Variants in ADAMTS19 observed in about 807,000 individuals in gnomAD.
ADAMTS19 encodes the protein A disintegrin and metalloproteinase with thrombospondin motifs 19.
ADAMTS19 carries 93 observed loss-of-function variants against 153.3 expected under a neutral mutation model. The observed-to-expected ratio is 0.61, with a 90% confidence interval of 0.51 to 0.72. The LOEUF (loss-of-function observed/expected upper bound fraction) is 0.72, where lower values mean the gene tolerates loss of function less well. Ranked by LOEUF, ADAMTS19 falls within the 30% of genes least tolerant of loss-of-function variation. The pLI, the probability that ADAMTS19 is intolerant of heterozygous loss-of-function variation, is 0.00. For missense variants in ADAMTS19, 1,482 were observed against 1,552.1 expected (o/e 0.95, Z 0.76); for synonymous variants, 600 against 556.6 (o/e 1.08, Z -1.10).
chr5:129,560,296 T>C (rs1053625971), intron 7 of ADAMTS19, among the ~76,000 whole-genome samples: 7 of 152,128 alleles, frequency 4.6e-5, no homozygotes, highest in African/African-American at 1.7e-4. Context: ...TGCTATAACT[T>C]TTTTTTAGGG....
chr5:129,711,778 G>A (rs1163582886), intron 21 of ADAMTS19, among the ~76,000 whole-genome samples: 3 of 152,138 alleles, frequency 2.0e-5, no homozygotes, highest in Non-Finnish European at 4.4e-5. Flanking sequence ...AAATGCTGGT[G>A]TTAAATAAAG....
intron 16 of ADAMTS19, among the ~76,000 whole-genome samples, chr5:129,677,804 A>G (rs1434367401): frequency 6.6e-6 from 1 of 152,004 alleles, no homozygotes; most frequent in Admixed American, 6.6e-5. Context: ...GAAATACTTT[A>G]AAGCTTTACT....
chr5:129,485,792 T>G (rs1368634876), intron 2 of ADAMTS19, among the ~76,000 whole-genome samples: 1 of 151,974 alleles, frequency 6.6e-6, no homozygotes, highest in East Asian at 1.9e-4. Flanking sequence ...ATGTGTTCAT[T>G]TATTTATTTA....
At chr5:129,549,299 G>T (rs1453811303) in intron 6 of ADAMTS19, among the ~76,000 whole-genome samples, 2 of 151,280 alleles carry the variant, frequency 1.3e-5, no homozygotes, top group Admixed American at 6.6e-5. Flanking sequence ...GCATTTAAAA[G>T]ATATTATATA....
At chr5:129,546,793 G>A (rs1752876219) in intron 6 of ADAMTS19, among the ~76,000 whole-genome samples, 1 of 151,056 alleles carries the variant, frequency 6.6e-6, no homozygotes, top group African/African-American at 2.5e-5. Context: ...TTATAACTGA[G>A]AAAATAAATT....
intron 7 of ADAMTS19, among the ~76,000 whole-genome samples, chr5:129,561,871 A>G (rs1471420702): frequency 1.3e-5 from 2 of 149,288 alleles, no homozygotes; most frequent in Non-Finnish European, 3.0e-5. Flanking sequence ...TATCTAATCT[A>G]TCTGTTAATA....
intron 7 of ADAMTS19, among the ~76,000 whole-genome samples, chr5:129,568,828 A>G (rs1440189839): frequency 6.6e-6 from 1 of 152,114 alleles, no homozygotes; most frequent in Non-Finnish European, 1.5e-5. Context: ...TCTCTTAAAT[A>G]AATAAATAAT....
At chr5:129,702,329 T>A (rs1755908932) in intron 20 of ADAMTS19, among the ~76,000 whole-genome samples, 1 of 152,208 alleles carries the variant, frequency 6.6e-6, no homozygotes, top group Non-Finnish European at 1.5e-5. Context: ...CTGCATTTAC[T>A]CATATAAACA....
At position 129,461,435 on chromosome 5, in the gene ADAMTS19, C is replaced by T. The variant is rs766124726; in HGVS notation, c.425C>T (p.Ala142Val). ...SSGAAALSPG[A>V]PASWQPPPPP... ...GGGGCTGCCGCCTTGTCCCCGGGCG[C>T]CCCGGCCTCGTGGCAGCCGCCGCCT... The change falls in exon 2 of 23, where the codon GCC (alanine) becomes GTC (valine). Residue 142 changes from alanine to valine, a missense_variant. This residue lies in a region of ADAMTS19 where 866 missense variants were observed against 827.7 expected (regional missense o/e 1.05). Coordinates refer to ENST00000274487, the MANE Select transcript of ADAMTS19 (RefSeq NM_133638.6). The surrounding 1 kb of genome is among the most constrained non-coding windows in gnomAD (Gnocchi z 4.6). The T allele has an allele frequency of 2.7e-5, 38 of 1,421,346 alleles. No individual in the cohort carries two copies. The South Asian group carries it at 5.4e-4, about 20-fold the overall frequency. 88.0% of individuals were successfully genotyped at this position (1,421,346 alleles called of 1,614,324 possible).
Position 129,611,817 on chromosome 5 carries a change from G to A in ADAMTS19, c.1479-8801G>A, listed in dbSNP as rs185553115. Among the ~76,000 whole-genome samples, 870 of 152,028 alleles carry A rather than the reference G, an allele frequency of 5.7e-3. 3 individuals are homozygous for A. The highest frequency in any genetic ancestry group is 8.9e-3 in the Non-Finnish European group (602 of 67,968). ...CAAATTCACCAAAGTTGAAATGAAG[G>A]AAAAAATGTTAAGGGCAGCCAGAGA... is the stretch of plus-strand genomic sequence containing the variant. On this transcript the variant is annotated intron_variant, in intron 8 of 22. Coordinates refer to ENST00000274487, the MANE Select transcript of ADAMTS19 (RefSeq NM_133638.6).
At chr5:129,543,889 G>C (rs1362969233) in intron 6 of ADAMTS19, among the ~76,000 whole-genome samples, 1 of 152,114 alleles carries the variant, frequency 6.6e-6, no homozygotes, top group East Asian at 1.9e-4. Context: ...CTAGAGAATG[G>C]TAAATGTATT....
chr5:129,502,162 A>G (rs1417915853), intron 2 of ADAMTS19, among the ~76,000 whole-genome samples: 1 of 152,182 alleles, frequency 6.6e-6, no homozygotes, highest in East Asian at 1.9e-4. Flanking sequence ...AATAGTTTCT[A>G]GAAACGAAAA....
At chr5:129,550,016 G>T (rs1328552342) in intron 6 of ADAMTS19, among the ~76,000 whole-genome samples, 4 of 125,936 alleles carry the variant, frequency 3.2e-5, no homozygotes, top group Non-Finnish European at 5.1e-5. Flanking sequence ...ACATATACAT[G>T]TATATGTATA....
intron 13 of ADAMTS19, 99 bp downstream of exon 13, chr5:129,649,069 A>G: frequency 2.5e-6 from 3 of 1,191,308 alleles, no homozygotes; most frequent in Non-Finnish European, 3.5e-6. Flanking sequence ...TATCTTCAAA[A>G]TATTTCTGAA....
intron 6 of ADAMTS19, among the ~76,000 whole-genome samples, chr5:129,548,504 A>G (rs1752945918): frequency 6.6e-6 from 1 of 152,056 alleles, no homozygotes; most frequent in Non-Finnish European, 1.5e-5. Context: ...TAGAATGGCA[A>G]TCATTAAAAA....
At position 129,717,608 on chromosome 5, in the gene ADAMTS19, G is replaced by A. The variant is rs546343119; in HGVS notation, c.3312+13217G>A. Among the ~76,000 whole-genome samples, 196 of 152,288 alleles carry A rather than the reference G, an allele frequency of 1.3e-3. 1 individual carries two copies. The highest frequency in any genetic ancestry group is 4.5e-3 in the African/African-American group (189 of 41,564). Reference sequence around the variant, plus strand: ...AAAAAAGTTGAGTTTCAAGGAAACAGGCAGACTTCTTTTGTGTCGTCTTGA... The same window carrying A: ...AAAAAAGTTGAGTTTCAAGGAAACAAGCAGACTTCTTTTGTGTCGTCTTGA... On this transcript the variant is annotated intron_variant, in intron 21 of 22. Transcript: ENST00000274487.
At chr5:129,523,997 T>G (rs1216842316) in intron 3 of ADAMTS19, among the ~76,000 whole-genome samples, 3 of 152,102 alleles carry the variant, frequency 2.0e-5, no homozygotes, top group Non-Finnish European at 4.4e-5. Context: ...ATAGCTCGTA[T>G]AGCCAAGACA....
intron 8 of ADAMTS19, among the ~76,000 whole-genome samples, chr5:129,599,954 T>C (rs1750569344): frequency 6.6e-6 from 1 of 152,194 alleles, no homozygotes; most frequent in Non-Finnish European, 1.5e-5. Context: ...GGCTGGTGTT[T>C]TCCTGATGCT....
intron 6 of ADAMTS19, among the ~76,000 whole-genome samples, chr5:129,542,306 C>T (rs1752683097): frequency 6.6e-6 from 1 of 152,054 alleles, no homozygotes; most frequent in African/African-American, 2.4e-5. Flanking sequence ...GGGGGATAAT[C>T]CTATGATTGG....
Sources: gnomAD v4.1 joint callset for allele counts (sites outside exome capture counted in the v4.1 genomes callset) on GRCh38, gnomAD v4.1.1 for gene constraint, gnomAD v4.1.1 regional missense constraint, Gnocchi (gnomAD v3.1) non-coding constraint, MANE v1.5 for transcripts, NCBI Gene and HGNC (gene_info 2026-07-23, HGNC 2026-07-21) for gene names.